The following DMD variants were observed in gnomAD, a reference collection of about 807,000 sequenced individuals.
DMD encodes dystrophin.
DMD carries 63 observed loss-of-function variants against 330.1 expected under a neutral mutation model. The observed-to-expected ratio is 0.19, with a 90% confidence interval of 0.16 to 0.24. The LOEUF (loss-of-function observed/expected upper bound fraction) is 0.24. DMD is among the 10% of genes least tolerant of loss of function. DMD has a pLI of 1.00. For missense variants in DMD, 3,344 were observed against 2,684.1 expected, an observed-to-expected ratio of 1.25 and a Z score of -5.43; for synonymous variants, 1,223 against 959.8, an observed-to-expected ratio of 1.27 and a Z score of -5.07.
At position 32,641,534 on chromosome X, in the gene DMD, A is replaced by T. The variant is rs757550786; in HGVS notation, c.1331+2598T>A. The T allele has an allele frequency of 3.2e-5, 5 of 155,694 alleles. No individual in the cohort carries two copies. In the South Asian group the frequency reaches 7.9e-4, roughly 25 times the overall value. The allele number at this position is 155,694 out of a possible 1,213,427, so 12.8% of individuals were successfully genotyped here. A position where few individuals can be genotyped will look rare whatever the true frequency, so the allele number is the denominator to read the frequency against. On this transcript the variant is annotated intron_variant, in intron 11 of 78. Coordinates refer to ENST00000357033, the MANE Select transcript of DMD (RefSeq NM_004006.3). ...CCCATTACTTACAATGGAAAAAAAC[A>T]TGATTACTTTTGCAGCAACCTAATA...
chrX:32,668,150 GA>G (rs747294030), intron 9 of DMD, among the ~76,000 whole-genome samples: 67 of 101,942 alleles, frequency 6.6e-4, no homozygotes, highest in East Asian at 4.9e-3. Context: ...TCCATCTCGG[GA>G]AAAAAAAAAA....
chrX:33,074,784 A>G (rs1463234161), intron 1 of DMD, among the ~76,000 whole-genome samples: 1 of 111,066 alleles, frequency 9.0e-6, no homozygotes, highest in African/African-American at 3.3e-5. Context: ...GGACTTCTTG[A>G]AATGGTCTTT....
At chrX:32,482,482 T>C (rs761402192) in intron 21 of DMD, among the ~76,000 whole-genome samples, 1 of 112,053 alleles carries the variant, frequency 8.9e-6, no homozygotes, top group South Asian at 3.7e-4. Context: ...GTATCAGTAC[T>C]TTCTCCCTTT....
chrX:33,273,321 G>A (rs2053189533), intron 1 of DMD, among the ~76,000 whole-genome samples: 1 of 112,463 alleles, frequency 8.9e-6, no homozygotes, highest in South Asian at 3.6e-4. Flanking sequence ...CATTTACCAT[G>A]CAAGAAAAAG....
At chrX:31,537,088 C>T (rs2073463020) in intron 55 of DMD, among the ~76,000 whole-genome samples, 1 of 112,303 alleles carries the variant, frequency 8.9e-6, no homozygotes, top group Admixed American at 9.5e-5. Context: ...CAAGTAATTA[C>T]TGAGTTCTCC....
chrX:32,863,065 T>C (rs2082192283), intron 2 of DMD, among the ~76,000 whole-genome samples: 1 of 110,773 alleles, frequency 9.0e-6, no homozygotes, highest in Non-Finnish European at 1.9e-5. Context: ...TTGATTCACA[T>C]AGATACATGA....
intron 1 of DMD, among the ~76,000 whole-genome samples, chrX:33,067,256 A>G (rs1254201308): frequency 8.9e-6 from 1 of 112,351 alleles, no homozygotes; most frequent in African/African-American, 3.2e-5. Context: ...AAAATTCTGT[A>G]TTTAATGAGT....
chrX:31,946,510 C>T (rs757789257), intron 45 of DMD, among the ~76,000 whole-genome samples: 10 of 111,746 alleles, frequency 8.9e-5, no homozygotes, highest in African/African-American at 2.9e-4. Context: ...AAATTTGGTA[C>T]AAGGTACAGA....
chrX:31,288,703 ATG>A (rs925674472), intron 62 of DMD, among the ~76,000 whole-genome samples: 12 of 111,650 alleles, frequency 1.1e-4, no homozygotes, highest in South Asian at 3.8e-4. Flanking sequence ...AAGAGATTTT[ATG>A]TGTGTTTGCT....
chrX:31,351,725 C>CAAA (rs3061693), intron 60 of DMD, among the ~76,000 whole-genome samples: 43 of 53,025 alleles, frequency 8.1e-4, no homozygotes, highest in African/African-American at 3.4e-3. Flanking sequence ...GACTCCATCT[C>CAAA]AAAAAAAAAA....
At chrX:32,407,172 A>G (rs1261705566) in intron 30 of DMD, among the ~76,000 whole-genome samples, 2 of 111,489 alleles carry the variant, frequency 1.8e-5, no homozygotes, top group South Asian at 3.8e-4. Flanking sequence ...AGAAACTACC[A>G]TCAGAGTGAA....
chrX:32,442,932 C>G (rs190031949), intron 27 of DMD, among the ~76,000 whole-genome samples: 1 of 110,590 alleles, frequency 9.0e-6, no homozygotes, highest in East Asian at 2.8e-4. Context: ...AAATTAAGCA[C>G]AATTGTTTTT....
intron 13 of DMD, among the ~76,000 whole-genome samples, chrX:32,579,040 C>A (rs2149171016): frequency 9.1e-6 from 1 of 110,424 alleles, no homozygotes; most frequent in East Asian, 2.8e-4. Context: ...GAAATCACAT[C>A]AAAAACCATT....
intron 74 of DMD, among the ~76,000 whole-genome samples, chrX:31,158,971 C>T (rs962218020): frequency 9.0e-6 from 1 of 111,560 alleles, no homozygotes; most frequent in African/African-American, 3.3e-5. Flanking sequence ...ACATCACAAA[C>T]TAAACAGGTA....
chrX:32,164,962 C>T (rs1345533210), intron 44 of DMD, among the ~76,000 whole-genome samples: 2 of 112,366 alleles, frequency 1.8e-5, no homozygotes. Flanking sequence ...TGTGGATACA[C>T]AGAATTCAAG....
At chrX:31,639,061 G>A (rs1364389993) in intron 54 of DMD, among the ~76,000 whole-genome samples, 1 of 111,837 alleles carries the variant, frequency 8.9e-6, no homozygotes, top group Non-Finnish European at 1.9e-5. Context: ...ATTTAGTCTT[G>A]TAAAAATGGC....
chrX:32,806,305 T>A (rs1301606635), intron 7 of DMD, among the ~76,000 whole-genome samples: 1 of 108,514 alleles, frequency 9.2e-6, no homozygotes, highest in African/African-American at 3.5e-5. Context: ...TCTGATAAAA[T>A]AGACTTTAAA....
At chrX:33,046,785 C>T (rs764429444) in intron 1 of DMD, among the ~76,000 whole-genome samples, 3 of 112,423 alleles carry the variant, frequency 2.7e-5, no homozygotes, top group African/African-American at 9.7e-5. Context: ...CCTTTCCTAT[C>T]TCACATAGCA....
intron 7 of DMD, among the ~76,000 whole-genome samples, chrX:32,732,309 G>C (rs892469266): frequency 1.8e-5 from 2 of 111,257 alleles, no homozygotes; most frequent in Admixed American, 9.5e-5. Flanking sequence ...AAGTGATGGG[G>C]AGAATGGAAC....
Sources: gnomAD v4.1 joint callset for allele counts (sites outside exome capture counted in the v4.1 genomes callset) on GRCh38, gnomAD v4.1.1 for gene constraint, MANE v1.5 for transcripts, NCBI Gene and HGNC (gene_info 2026-07-23, HGNC 2026-07-21) for gene names.